The following ZFPM2 variants were observed in gnomAD, a reference collection of about 807,000 sequenced individuals.
The protein encoded by ZFPM2 is zinc finger protein, FOG family member 2.
Under a neutral mutation model 98.6 loss-of-function variants are expected in ZFPM2, and 20 were observed. That is an observed-to-expected ratio of 0.20 (90% CI 0.14 to 0.29). ZFPM2 has a LOEUF of 0.29. ZFPM2 is among the 10% of genes least tolerant of loss of function. ZFPM2 has a pLI of 1.00. For synonymous variants in ZFPM2, 518 were observed against 502.7 expected, an observed-to-expected ratio of 1.03 and a Z score of -0.41; for missense variants, 1,310 against 1,388.6, an observed-to-expected ratio of 0.94 and a Z score of 0.90.
chr8:105,380,433 C>T (rs951591442), intron 1 of ZFPM2, among the ~76,000 whole-genome samples: 1 of 149,284 alleles, frequency 6.7e-6, no homozygotes, highest in African/African-American at 2.5e-5. Context: ...GTGTTCTTCT[C>T]TTGAACACTG....
intron 1 of ZFPM2, among the ~76,000 whole-genome samples, chr8:105,410,509 C>A (rs1203266086): frequency 6.6e-6 from 1 of 151,776 alleles, no homozygotes; most frequent in South Asian, 2.1e-4. Context: ...GACTCCGTGC[C>A]CCATTTAAAA....
intron 4 of ZFPM2, among the ~76,000 whole-genome samples, chr8:105,624,724 C>A (rs1816618738): frequency 6.6e-6 from 1 of 152,046 alleles, no homozygotes; most frequent in Non-Finnish European, 1.5e-5. Flanking sequence ...ATCATTACTT[C>A]TTATGCTGAA....
intron 5 of ZFPM2, among the ~76,000 whole-genome samples, chr8:105,773,271 C>T (rs148809869): frequency 3.0e-4 from 45 of 152,088 alleles, no homozygotes; most frequent in African/African-American, 1.1e-3. Context: ...TATAAATAGC[C>T]CTTATATCAC....
At chr8:105,437,123 ATTT>A (rs1041098228) in intron 2 of ZFPM2, among the ~76,000 whole-genome samples, 2 of 151,988 alleles carry the variant, frequency 1.3e-5, no homozygotes, top group Non-Finnish European at 2.9e-5. Context: ...TCCTCTCCAA[ATTT>A]TTTTATTAAT....
At chr8:105,515,911 CTTTTT>C (rs34183654) in intron 3 of ZFPM2, among the ~76,000 whole-genome samples, 1 of 89,280 alleles carries the variant, frequency 1.1e-5, no homozygotes, top group Non-Finnish European at 2.0e-5. Flanking sequence ...AAAACAACTT[CTTTTT>C]TTTTTTTTTT....
chr8:105,738,441 T>C, intron 5 of ZFPM2, among the ~76,000 whole-genome samples: 1 of 152,108 alleles, frequency 6.6e-6, no homozygotes, highest in East Asian at 1.9e-4. Flanking sequence ...TTTAGGTTGA[T>C]TCCATGGCTT....
intron 3 of ZFPM2, among the ~76,000 whole-genome samples, chr8:105,521,433 C>T (rs1814058506): frequency 2.6e-5 from 4 of 151,690 alleles, no homozygotes; most frequent in Admixed American, 2.6e-4. Context: ...AGTCAATCAT[C>T]ACAGTATTAA....
At chr8:105,775,059 T>C (rs1586254134) in intron 5 of ZFPM2, among the ~76,000 whole-genome samples, 1 of 145,986 alleles carries the variant, frequency 6.8e-6, no homozygotes, top group Non-Finnish European at 1.5e-5. Context: ...TAGAGAAGTT[T>C]AATGAGCCTC....
intron 5 of ZFPM2, among the ~76,000 whole-genome samples, chr8:105,655,931 T>C (rs1817276506): frequency 6.6e-6 from 1 of 150,968 alleles, no homozygotes; most frequent in African/African-American, 2.4e-5. Context: ...CACATTGGCT[T>C]TTTTCATTCA....
At chr8:105,764,268 T>G (rs1362137185) in intron 5 of ZFPM2, among the ~76,000 whole-genome samples, 1 of 139,534 alleles carries the variant, frequency 7.2e-6, no homozygotes, top group East Asian at 2.1e-4. Flanking sequence ...TCTCTCTCTC[T>G]TTCTCTCTCT....
intron 5 of ZFPM2, among the ~76,000 whole-genome samples, chr8:105,736,214 T>C (rs1812069470): frequency 6.6e-6 from 1 of 151,864 alleles, no homozygotes; most frequent in Non-Finnish European, 1.5e-5. Context: ...TATCTATGAG[T>C]TGAAGTGGGA....
chr8:105,388,899 A>G (rs1235839376), intron 1 of ZFPM2, among the ~76,000 whole-genome samples: 1 of 152,110 alleles, frequency 6.6e-6, no homozygotes, highest in Non-Finnish European at 1.5e-5. Flanking sequence ...ACCTTCACTG[A>G]TACACTGTAG....
In ZFPM2 at chr8:105,585,464, G is replaced by A. The variant is rs1158811111; in HGVS notation, c.420+23983G>A. Among the ~76,000 whole-genome samples the A allele has an allele frequency of 7.9e-5, 12 of 152,144 alleles. No homozygotes were observed. In the South Asian group the frequency reaches 2.5e-3, roughly 31 times the overall value. On this transcript the variant is annotated intron_variant, in intron 4 of 7. Coordinates refer to ENST00000407775, the MANE Select transcript of ZFPM2 (RefSeq NM_012082.4). ...TCTGTTCAAATAGTATATGTGCTCT[G>A]AGTAGTAGATTCATAGAGAGTAATT...
chr8:105,470,596 G>C (rs1168678697), intron 3 of ZFPM2, among the ~76,000 whole-genome samples: 1 of 152,160 alleles, frequency 6.6e-6, no homozygotes, highest in South Asian at 2.1e-4. Context: ...TGGACAAAAT[G>C]GCGAAACCTT....
In ZFPM2 at chr8:105,481,647, G is replaced by A. The variant is rs537915107; in HGVS notation, c.301+37266G>A. Among the ~76,000 whole-genome samples, 259 of 152,114 alleles carry A rather than the reference G, an allele frequency of 1.7e-3. 1 individual carries two copies. Among genetic ancestry groups the A allele is most frequent in the Non-Finnish European group, 3.2e-3 (220 of 68,016 alleles). On this transcript the variant is annotated intron_variant, in intron 3 of 7. Transcript: ENST00000407775. ...GGAGGGACACAAGTCCCTCCCAAAT[G>A]TTCAGTTGAGCAACCACCAATGGGT...
chr8:105,391,497 A>G (rs1260197254), intron 1 of ZFPM2, among the ~76,000 whole-genome samples: 3 of 152,200 alleles, frequency 2.0e-5, no homozygotes, highest in East Asian at 3.9e-4. Context: ...TGTAGCTTGC[A>G]ATGCTGTTTG....
intron 2 of ZFPM2, among the ~76,000 whole-genome samples, chr8:105,443,737 C>T (rs935495339): frequency 4.6e-5 from 7 of 152,146 alleles, no homozygotes; most frequent in African/African-American, 1.7e-4. Context: ...GGAGTTGAGT[C>T]ACTGGCTAAT....
At chr8:105,453,791 T>G (rs1306154529) in intron 3 of ZFPM2, among the ~76,000 whole-genome samples, 1 of 151,706 alleles carries the variant, frequency 6.6e-6, no homozygotes, top group Non-Finnish European at 1.5e-5. Context: ...ACCCAGGTAA[T>G]TTTTTTTATT....
At chr8:105,375,223 G>A (rs574223484) in intron 1 of ZFPM2, among the ~76,000 whole-genome samples, 12 of 152,236 alleles carry the variant, frequency 7.9e-5, no homozygotes, top group African/African-American at 2.6e-4. Context: ...ATTTTAGGAT[G>A]TACCACACTT....
Sources: allele counts gnomAD v4.1 joint callset (sites outside exome capture counted in the v4.1 genomes callset), GRCh38; gene constraint gnomAD v4.1.1; transcripts MANE v1.5; gene names NCBI Gene and HGNC (gene_info 2026-07-23, HGNC 2026-07-21).